The following DNAH12 variants were observed in gnomAD, a reference collection of about 807,000 sequenced individuals.
DNAH12 encodes axonemal beta dynein heavy chain 12.
A neutral mutation model predicts 371.5 loss-of-function variants in DNAH12; 285 were observed. That is an observed-to-expected ratio of 0.77 (90% confidence interval 0.70 to 0.85). DNAH12 has a LOEUF of 0.85. Ranked by LOEUF, DNAH12 falls within the 40% of genes least tolerant of loss-of-function variation. The probability of loss-of-function intolerance (pLI) is 0.00; values close to 1 mark genes in which losing one functional copy is unlikely to be tolerated. For missense variants in DNAH12, 3,611 were observed against 3,689.4 expected, an observed-to-expected ratio of 0.98 and a Z score of 0.55; for synonymous variants, 1,200 against 1,213.0, an observed-to-expected ratio of 0.99 and a Z score of 0.22.
chr3:57,437,146 AG>A, intron 29 of DNAH12, 86 bp from the exon 30 acceptor site: 1 of 842,536 alleles, frequency 1.2e-6, no homozygotes, highest in Non-Finnish European at 1.8e-6. Flanking sequence ...TAAATTTACT[AG>A]TTAAAAAAAA....
Position 57,309,197 on chromosome 3 carries a change from C to T in DNAH12, c.11143G>A (p.Glu3715Lys). The change falls in exon 69 of 74, where the codon GAA (glutamate) becomes AAA (lysine). Residue 3715 changes from glutamate (E) to lysine (K), a missense_variant. This residue lies in a region of DNAH12 where 2,266 missense variants were observed against 2,236.9 expected (regional missense o/e 1.01). Coordinates refer to ENST00000495027, the MANE Select transcript of DNAH12 (RefSeq NM_001366028.2). ...ALRKYPVRYEESMNTVLVQEM... is the reference protein window; with the variant it reads ...ALRKYPVRYEKSMNTVLVQEM... ...TGTACTAACACAGTATTCATGCTTTCTTCATATCTCACAGGATACTTCCGT... is the reference window on the plus strand; with the variant it reads ...TGTACTAACACAGTATTCATGCTTTTTTCATATCTCACAGGATACTTCCGT... 1 of 1,550,316 alleles carries T rather than the reference C, an allele frequency of 6.5e-7. No homozygotes were observed. Among genetic ancestry groups the T allele is most frequent in the Non-Finnish European group, 8.7e-7 (1 of 1,146,678 alleles).
intron 39 of DNAH12, among the ~76,000 whole-genome samples, chr3:57,411,914 C>A (rs1250229506): frequency 6.6e-6 from 1 of 152,054 alleles, no homozygotes; most frequent in Non-Finnish European, 1.5e-5. Flanking sequence ...ACTGACACAC[C>A]CAACTTTAAG....
chr3:57,450,179 C>T (rs9875859), intron 25 of DNAH12, among the ~76,000 whole-genome samples: 10,308 of 143,144 alleles, frequency 0.072, 1,144 homozygotes, highest in African/African-American at 0.25. Flanking sequence ...ACCTGGGAGG[C>T]GGAGGTTGTA....
Position 57,452,858 on chromosome 3 carries a change from C to T in DNAH12, c.3771G>A (p.Arg1257=). 1 of 1,547,540 alleles carries T rather than the reference C, an allele frequency of 6.5e-7. No homozygotes were observed. Among genetic ancestry groups the T allele is most frequent in the South Asian group, 1.2e-5 (1 of 82,628 alleles). The change falls in exon 25 of 74, where the codon AGG becomes AGA. Residue 1257 remains arginine (R), a synonymous_variant. Coordinates refer to ENST00000495027, the MANE Select transcript of DNAH12 (RefSeq NM_001366028.2). ...PRLVITPLTD[R]CYRTLIGAFY... is the part of the protein sequence containing the mutation. ...AAATGCATACCAATGTTCTGTAACA[C>T]CTGTCAGTTAGAGGCGTAATGACAA...
At chr3:57,550,442 T>A in the DNAH12 span, among the ~76,000 whole-genome samples, 1 of 152,188 alleles carries the variant, frequency 6.6e-6, no homozygotes, top group African/African-American at 2.4e-5. Flanking sequence ...TTATAACCTC[T>A]TACAGTTTTT....
chr3:57,431,032 C>A (rs188268599), intron 32 of DNAH12, among the ~76,000 whole-genome samples: 44 of 152,314 alleles, frequency 2.9e-4, no homozygotes, highest in African/African-American at 9.6e-4. Flanking sequence ...TCAGAGAACA[C>A]AGATAGTTGC....
In DNAH12 at chr3:57,322,454, T is replaced by C; in HGVS notation, c.10413A>G (p.Val3471=). 6.4e-7 allele frequency: 1 copy of C among 1,552,260 alleles called. No homozygotes were observed. Among genetic ancestry groups the C allele is most frequent in the Non-Finnish European group, 8.7e-7 (1 of 1,147,098 alleles). Residue 3471 remains valine, a synonymous_variant, in exon 65 of 74, where the codon GTA becomes GTG. Transcript: ENST00000495027. The stretch of plus-strand genomic sequence containing the variant: ...CCGTGGGAGGTTCATTAGTCATTTT[T>C]ACTCCATTCTGTAGAATTGTTACTG... ...KFPVTILQNG[V]KMTNEPPTGL...
At chr3:57,356,177 C>G (rs2062792862) in intron 59 of DNAH12, among the ~76,000 whole-genome samples, 1 of 152,112 alleles carries the variant, frequency 6.6e-6, no homozygotes, top group African/African-American at 2.4e-5. Context: ...TGCAGTGGCT[C>G]ACTCCTGTAA....
At chr3:57,350,417 G>A (rs1239844437) in intron 60 of DNAH12, among the ~76,000 whole-genome samples, 3 of 152,170 alleles carry the variant, frequency 2.0e-5, no homozygotes, top group African/African-American at 7.2e-5. Flanking sequence ...TTTATGGCAA[G>A]GAAGGCACTA....
At chr3:57,401,652 G>C (rs1487481712) in intron 43 of DNAH12, among the ~76,000 whole-genome samples, 1 of 147,436 alleles carries the variant, frequency 6.8e-6, no homozygotes, top group Non-Finnish European at 1.5e-5. Context: ...AGAAAAAGAA[G>C]ACTAAACCAA....
intron 30 of DNAH12, among the ~76,000 whole-genome samples, chr3:57,434,206 C>T (rs1293367909): frequency 6.6e-6 from 1 of 152,170 alleles, no homozygotes; most frequent in Non-Finnish European, 1.5e-5. Flanking sequence ...TTCTGGATCT[C>T]CTCCCTCCTG....
At chr3:57,421,475 C>G (rs2064577218) in intron 36 of DNAH12, 43 bp downstream of exon 36, 1 of 1,542,354 alleles carries the variant, frequency 6.5e-7, no homozygotes, top group Non-Finnish European at 8.8e-7. Flanking sequence ...CTGGCCTAAG[C>G]CTTTGTGTTT....
At chr3:57,402,181 A>G (rs895759480) in intron 43 of DNAH12, among the ~76,000 whole-genome samples, 1 of 152,234 alleles carries the variant, frequency 6.6e-6, no homozygotes, top group Non-Finnish European at 1.5e-5. Flanking sequence ...TTTCTTTGGT[A>G]TGAGCTTGGA....
intron 4 of DNAH12, among the ~76,000 whole-genome samples, chr3:57,514,085 T>C (rs2068095771): frequency 6.6e-6 from 1 of 152,126 alleles, no homozygotes; most frequent in Admixed American, 6.5e-5. Flanking sequence ...ATTTCTAGGA[T>C]ACATTATTAA....
At chr3:57,323,820 G>A (rs1025707808) in intron 62 of DNAH12, among the ~76,000 whole-genome samples, 3 of 152,106 alleles carry the variant, frequency 2.0e-5, no homozygotes, top group Admixed American at 6.5e-5. Flanking sequence ...AGATAAATGG[G>A]CAAAGGAGAC....
chr3:57,541,968 T>C (rs2069304556), intron 2 of DNAH12, among the ~76,000 whole-genome samples: 1 of 151,916 alleles, frequency 6.6e-6, no homozygotes, highest in African/African-American at 2.4e-5. Context: ...GAAAACCTCA[T>C]TTTATAGTTT....
chr3:57,426,253 A>G (rs941184061), intron 34 of DNAH12, among the ~76,000 whole-genome samples: 1 of 152,194 alleles, frequency 6.6e-6, no homozygotes, highest in Admixed American at 6.5e-5. Context: ...GTCAGATCCT[A>G]AAAGGTTTTT....
Position 57,384,347 on chromosome 3 carries a change from C to T in DNAH12, c.7860+482G>A, listed in dbSNP as rs2063457397. ...AAAATTATAAATAATATATAAAAAG[C>T]AAAAATAGGCCAGGCATGGAAGCTC... is the stretch of plus-strand genomic sequence containing the variant. On this transcript the variant is annotated intron_variant, in intron 49 of 73. Coordinates refer to ENST00000495027, the MANE Select transcript of DNAH12 (RefSeq NM_001366028.2). 2.6e-5 allele frequency among the ~76,000 whole-genome samples: 4 copies of T among 151,902 alleles called. No homozygotes were observed. The South Asian group carries it at 8.3e-4, about 32-fold the overall frequency.
At chr3:57,330,717 TAA>T (rs36091572) in intron 62 of DNAH12, among the ~76,000 whole-genome samples, 98 of 133,830 alleles carry the variant, frequency 7.3e-4, no homozygotes, top group East Asian at 1.5e-3. Context: ...GTATAATAAT[TAA>T]AAAAAAAAAA....
Sources: allele counts gnomAD v4.1 joint callset (sites outside exome capture counted in the v4.1 genomes callset), GRCh38; gene constraint gnomAD v4.1.1; regional missense constraint gnomAD v4.1.1; transcripts MANE v1.5; gene names NCBI Gene and HGNC (gene_info 2026-07-23, HGNC 2026-07-21).